The following SULF1 variants were observed in gnomAD, a reference collection of about 807,000 sequenced individuals.
SULF1 encodes the protein sulfatase 1.
A neutral mutation model predicts 110.5 loss-of-function variants in SULF1; 46 were observed. The ratio of observed to expected loss-of-function variants is 0.42; its 90% CI spans 0.33 to 0.53. SULF1 has a LOEUF of 0.53. SULF1 is among the 20% of genes least tolerant of loss of function. The probability of loss-of-function intolerance (pLI) is 0.12; values close to 1 mark genes in which losing one functional copy is unlikely to be tolerated. For synonymous variants in SULF1, 371 were observed against 387.1 expected (o/e 0.96, Z 0.49); for missense variants, 941 against 1,094.2 (o/e 0.86, Z 1.98).
intron 5 of SULF1, among the ~76,000 whole-genome samples, chr8:69,570,742 T>C (rs28368222): frequency 0.024 from 3,604 of 152,264 alleles, 134 homozygotes; most frequent in African/African-American, 0.082. Flanking sequence ...TCCTGAAGGG[T>C]GGCACTTCTC....
intron 8 of SULF1, among the ~76,000 whole-genome samples, chr8:69,596,590 A>G (rs746649190): frequency 2.6e-5 from 4 of 152,170 alleles, no homozygotes; most frequent in Non-Finnish European, 4.4e-5. Flanking sequence ...AAGAAAGGAT[A>G]TATCAATTTT....
upstream of SULF1, among the ~76,000 whole-genome samples, chr8:69,489,172 C>G (rs766214453): frequency 1.3e-5 from 2 of 152,136 alleles, no homozygotes; most frequent in African/African-American, 2.4e-5. Flanking sequence ...CAAACTAAAC[C>G]GACTTATATG....
intron 3 of SULF1, among the ~76,000 whole-genome samples, chr8:69,533,718 G>A (rs541737929): frequency 1.5e-4 from 23 of 152,194 alleles, no homozygotes; most frequent in Admixed American, 7.2e-4. Context: ...AAACATACTC[G>A]TGTATGTATC....
chr8:69,575,895 G>A (rs879095015), intron 5 of SULF1, 75 bp from the exon 6 acceptor site: 4 of 1,539,940 alleles, frequency 2.6e-6, no homozygotes, highest in South Asian at 2.5e-5. Flanking sequence ...GGAAACAGAG[G>A]CACTGAGGGG....
intron 22 of SULF1, among the ~76,000 whole-genome samples, chr8:69,642,801 G>A (rs1325044189): frequency 6.6e-6 from 1 of 152,150 alleles, no homozygotes; most frequent in Non-Finnish European, 1.5e-5. Context: ...AGTCACCCCT[G>A]GCCAACTTTG....
intron 10 of SULF1, among the ~76,000 whole-genome samples, chr8:69,602,199 T>C (rs1165907627): frequency 6.6e-6 from 1 of 152,216 alleles, no homozygotes; most frequent in East Asian, 1.9e-4. Context: ...TGTTTAACTT[T>C]TAAAAATTAT....
chr8:69,651,835 A>G (rs62512193), intron 22 of SULF1, among the ~76,000 whole-genome samples: 28,496 of 152,116 alleles, frequency 0.19, 2,829 homozygotes, highest in South Asian at 0.27. Context: ...TTTTACCAGC[A>G]TTATCTCTTA....
chr8:69,556,162 G>GT (rs1439462915), intron 3 of SULF1, among the ~76,000 whole-genome samples: 1 of 152,060 alleles, frequency 6.6e-6, no homozygotes, highest in Non-Finnish European at 1.5e-5. Flanking sequence ...TGTGTGTGTG[G>GT]TATGTGCATG....
chr8:69,554,546 C>T (rs1814947849), intron 3 of SULF1, among the ~76,000 whole-genome samples: 1 of 151,938 alleles, frequency 6.6e-6, no homozygotes, highest in South Asian at 2.1e-4. Flanking sequence ...AGTAAACTAA[C>T]ACAGATGTCA....
At chr8:69,655,822 T>C (rs758535112) in intron 22 of SULF1, among the ~76,000 whole-genome samples, 6 of 152,274 alleles carry the variant, frequency 3.9e-5, no homozygotes, top group Middle Eastern at 3.2e-3. Flanking sequence ...CTCTTTGGTC[T>C]GTGCTCCCTC....
chr8:69,646,127 A>AGCCTTCTG (rs1811892796), intron 22 of SULF1, among the ~76,000 whole-genome samples: 1 of 150,088 alleles, frequency 6.7e-6, no homozygotes, highest in Non-Finnish European at 1.5e-5. Flanking sequence ...ATGCTACATC[A>AGCCTTCTG]AAGGATGTAA....
At position 69,650,251 on chromosome 8, in the gene SULF1, C is replaced by G. The variant is rs79802943; in HGVS notation, c.2586-8254C>G. Among the ~76,000 whole-genome samples the G allele has an allele frequency of 8.5e-4, 129 of 152,150 alleles. 1 individual carries two copies. Among genetic ancestry groups the G allele is most frequent in the African/African-American group, 3.0e-3 (124 of 41,516 alleles). ...CTAGGCTCAAGCGATTCTCCCATCT[C>G]TCAACCTCCCGAATTGCTGGGATTA... is the stretch of plus-strand genomic sequence containing the variant. On this transcript the variant is annotated intron_variant, in intron 22 of 22. Transcript: ENST00000402687.
chr8:69,576,499 G>C (rs1170858688), intron 6 of SULF1, among the ~76,000 whole-genome samples: 2 of 152,142 alleles, frequency 1.3e-5, no homozygotes, highest in African/African-American at 4.8e-5. Flanking sequence ...TTTAGCTTGT[G>C]GTTGTTTTTA....
At chr8:69,635,026 A>C (rs112859351) in intron 19 of SULF1, among the ~76,000 whole-genome samples, 2,462 of 152,194 alleles carry the variant, frequency 0.016, 64 homozygotes, top group African/African-American at 0.056. Flanking sequence ...AAACTCCTGA[A>C]CTCAGGTGAT....
chr8:69,640,066 CA>C (rs200217191), intron 21 of SULF1, among the ~76,000 whole-genome samples: 2 of 122,380 alleles, frequency 1.6e-5, no homozygotes, highest in African/African-American at 3.1e-5. Flanking sequence ...TCAAATCTTA[CA>C]AAAAAAAGAG....
At chr8:69,639,636 T>A (rs1471726095) in intron 21 of SULF1, among the ~76,000 whole-genome samples, 2 of 152,194 alleles carry the variant, frequency 1.3e-5, no homozygotes, top group Non-Finnish European at 2.9e-5. Context: ...TGGCATGGCA[T>A]GCCAACTCCA....
rs1459839552 is a variant in SULF1, at chr8:69,659,266, AAGG to A, written c.*734_*736del. The A allele has an allele frequency of 4.4e-6, 2 of 450,922 alleles. No homozygotes were observed. The highest frequency in any genetic ancestry group is 8.9e-6 in the Non-Finnish European group (2 of 224,546). The allele number at this position is 450,922 out of a possible 1,614,324, so 27.9% of individuals were successfully genotyped here. A position where few individuals can be genotyped will look rare whatever the true frequency, so the allele number is the denominator to read the frequency against. On this transcript the variant is annotated 3_prime_UTR_variant, in exon 23 of 23. Coordinates refer to ENST00000402687, the MANE Select transcript of SULF1 (RefSeq NM_001128205.2). ...GACCAAGGTGGAGAAGAATCACGAA[AAGG>A]AGAAGTCACAGCACCTAGAAGGCAG... is the stretch of plus-strand genomic sequence containing the variant.
At chr8:69,563,207 C>T (rs1346614075) in intron 3 of SULF1, 1 of 152,520 alleles carries the variant, frequency 6.6e-6, no homozygotes, top group Non-Finnish European at 1.5e-5. Context: ...ACACTCGTTC[C>T]CAACGCTCTG....
chr8:69,509,271 G>C (rs1811402814), intron 3 of SULF1, among the ~76,000 whole-genome samples: 1 of 152,084 alleles, frequency 6.6e-6, no homozygotes, highest in Admixed American at 6.6e-5. Flanking sequence ...GTCTCTGCCT[G>C]CCAGTAAACT....
Sources: allele counts gnomAD v4.1 joint callset (sites outside exome capture counted in the v4.1 genomes callset), GRCh38; gene constraint gnomAD v4.1.1; transcripts MANE v1.5; gene names NCBI Gene and HGNC (gene_info 2026-07-23, HGNC 2026-07-21).